Variants in OR2L13 observed in about 807,000 individuals in gnomAD.
The protein encoded by OR2L13 is olfactory receptor family 2 subfamily L member 13, also known as olfactory receptor 2L13.
OR2L13 carries 14 observed loss-of-function variants against 15.3 expected under a neutral mutation model. The observed-to-expected ratio is 0.91, with a 90% CI of 0.60 to 1.43. The LOEUF (loss-of-function observed/expected upper bound fraction) is 1.43. OR2L13 is among the 40% of genes most tolerant of loss of function. OR2L13 has a pLI of 0.00. For synonymous variants in OR2L13, 152 were observed against 142.9 expected (o/e 1.06, Z -0.45); for missense variants, 367 against 387.9 (o/e 0.95, Z 0.45).
the OR2L13 span, among the ~76,000 whole-genome samples, chr1:247,940,390 G>A: frequency 6.6e-6 from 1 of 152,080 alleles, no homozygotes; most frequent in Non-Finnish European, 1.5e-5. Flanking sequence ...TTTTAATGAG[G>A]TAAATGTTTT....
chr1:247,945,285 A>T, the OR2L13 span, among the ~76,000 whole-genome samples: 1 of 152,180 alleles, frequency 6.6e-6, no homozygotes, highest in African/African-American at 2.4e-5. Context: ...ACTCAGGAGC[A>T]GGTTGTTCAA....
the OR2L13 span, chr1:247,949,596 G>C: frequency 3.7e-6 from 6 of 1,613,912 alleles, no homozygotes; most frequent in Non-Finnish European, 5.1e-6. Context: ...CCTCACTGTA[G>C]TAACTTTCTA....
At chr1:248,078,607 G>A in the OR2L13 span, among the ~76,000 whole-genome samples, 4 of 152,060 alleles carry the variant, frequency 2.6e-5, no homozygotes, top group Non-Finnish European at 5.9e-5. Flanking sequence ...ACAACCGAAT[G>A]TTCCTGGATC....
the OR2L13 span, chr1:248,029,118 T>A: frequency 6.6e-6 from 1 of 152,212 alleles, no homozygotes; most frequent in South Asian, 2.1e-4. Context: ...GTACATCAGA[T>A]TGGCTGGTCC....
the OR2L13 span, among the ~76,000 whole-genome samples, chr1:247,960,322 A>G: frequency 1.9e-4 from 29 of 152,152 alleles, no homozygotes; most frequent in Non-Finnish European, 2.6e-4. Flanking sequence ...GAGGAGTACC[A>G]GGCCGTGTGA....
the OR2L13 span, among the ~76,000 whole-genome samples, chr1:248,004,754 C>T: frequency 6.6e-6 from 1 of 152,100 alleles, no homozygotes; most frequent in Admixed American, 6.5e-5. Context: ...TTCTTTAACC[C>T]ATTTTGAGTT....
chr1:248,065,957 T>G, the OR2L13 span, among the ~76,000 whole-genome samples: 2 of 152,150 alleles, frequency 1.3e-5, no homozygotes, highest in Admixed American at 6.5e-5. Flanking sequence ...ACTCTTCCAG[T>G]ACCCTCTCTG....
At chr1:247,983,108 A>T in the OR2L13 span, among the ~76,000 whole-genome samples, 1 of 152,154 alleles carries the variant, frequency 6.6e-6, no homozygotes, top group Non-Finnish European at 1.5e-5. Context: ...ATATATGCAT[A>T]TGTGTATGTG....
At chr1:248,096,298 G>A (rs113770938), upstream of OR2L13, among the ~76,000 whole-genome samples, 28 of 151,982 alleles carry the variant, frequency 1.8e-4, no homozygotes, top group African/African-American at 6.3e-4. Flanking sequence ...CAGGAGAAGG[G>A]CGTGAACCCG....
At chr1:248,007,049 G>A in the OR2L13 span, among the ~76,000 whole-genome samples, 1 of 152,136 alleles carries the variant, frequency 6.6e-6, no homozygotes, top group Non-Finnish European at 1.5e-5. Flanking sequence ...ATAAGCAGTG[G>A]TGCTCAGTTC....
the OR2L13 span, among the ~76,000 whole-genome samples, chr1:248,044,848 C>T: frequency 6.6e-6 from 1 of 151,274 alleles, no homozygotes; most frequent in Non-Finnish European, 1.5e-5. Context: ...AACGCCTTCC[C>T]CAAGTGTCTC....
At chr1:248,019,462 G>C in the OR2L13 span, among the ~76,000 whole-genome samples, 1 of 152,120 alleles carries the variant, frequency 6.6e-6, no homozygotes, top group Non-Finnish European at 1.5e-5. Flanking sequence ...AGAGGCTGTA[G>C]AACTTCATTT....
chr1:248,065,351 A>T, the OR2L13 span, among the ~76,000 whole-genome samples: 2 of 152,296 alleles, frequency 1.3e-5, no homozygotes, highest in Middle Eastern at 6.8e-3. Context: ...TTAAATTAGC[A>T]AAGTTTGATT....
At chr1:248,097,077 C>T (rs141040717), upstream of OR2L13, among the ~76,000 whole-genome samples, 464 of 152,306 alleles carry the variant, frequency 3.0e-3, 5 homozygotes, top group Non-Finnish European at 2.4e-3. Flanking sequence ...AATGTTGTTT[C>T]TGAAACCAGT....
At chr1:247,971,242 C>A in the OR2L13 span, among the ~76,000 whole-genome samples, 12 of 151,902 alleles carry the variant, frequency 7.9e-5, no homozygotes, top group Non-Finnish European at 1.2e-4. Context: ...TGAATCTTTT[C>A]TTTTCTTCAA....
chr1:248,017,649 G>C, the OR2L13 span, among the ~76,000 whole-genome samples: 1 of 152,092 alleles, frequency 6.6e-6, no homozygotes, highest in Non-Finnish European at 1.5e-5. Flanking sequence ...ACATGCAGGG[G>C]GTGAGGAGAT....
At chr1:248,086,079 C>G in the OR2L13 span, among the ~76,000 whole-genome samples, 76 of 152,132 alleles carry the variant, frequency 5.0e-4, 1 homozygote, top group African/African-American at 1.5e-3. Context: ...GTTTTTTAAG[C>G]CATAGTGCAT....
the OR2L13 span, among the ~76,000 whole-genome samples, chr1:247,940,684 A>G: frequency 2.0e-5 from 3 of 151,516 alleles, no homozygotes; most frequent in South Asian, 4.2e-4. Flanking sequence ...ATATGAATGC[A>G]TGTGCCTTTT....
chr1:247,968,989 C>T, the OR2L13 span, among the ~76,000 whole-genome samples: 3 of 152,216 alleles, frequency 2.0e-5, no homozygotes, highest in African/African-American at 7.2e-5. Context: ...TATTTCTCCA[C>T]ATCCTCTCCA....
Sources: gnomAD v4.1 joint callset for allele counts (sites outside exome capture counted in the v4.1 genomes callset) on GRCh38, gnomAD v4.1.1 for gene constraint, MANE v1.5 for transcripts, NCBI Gene and HGNC (gene_info 2026-07-23, HGNC 2026-07-21) for gene names.